ALKAL1: variants seen among roughly 807,000 people sequenced by gnomAD.
ALKAL1 encodes AUG-beta.
A neutral mutation model predicts 13.5 loss-of-function variants in ALKAL1; 23 were observed. The observed-to-expected ratio is 1.70, with a 90% confidence interval of 1.23 to 2.41. The LOEUF (loss-of-function observed/expected upper bound fraction) is 2.41, where lower values mean the gene tolerates loss of function less well. Among genes scored for constraint, ALKAL1 ranks in the 30% most tolerant of loss-of-function variants. The probability of loss-of-function intolerance (pLI) is 0.00; values close to 1 mark genes in which losing one functional copy is unlikely to be tolerated. For missense variants in ALKAL1, 181 were observed against 178.4 expected, an observed-to-expected ratio of 1.01 and a Z score of -0.08; for synonymous variants, 85 against 77.7, an observed-to-expected ratio of 1.09 and a Z score of -0.49.
In ALKAL1 at chr8:52,553,304, T is replaced by C. The variant is rs953580181; in HGVS notation, c.191-10859A>G. Among the ~76,000 whole-genome samples the C allele has an allele frequency of 2.9e-4, 44 of 152,276 alleles. 1 individual carries two copies. Among genetic ancestry groups the C allele is most frequent in the African/African-American group, 9.4e-4 (39 of 41,554 alleles). ...TAGAAGATGCAGTGAGCTCTGATCA[T>C]GCCACTGCCCTCCAGCCTTGGTGAC... On this transcript the variant is annotated intron_variant, in intron 1 of 4. Coordinates refer to ENST00000358543, the MANE Select transcript of ALKAL1 (RefSeq NM_207413.4).
chr8:52,564,287 C>G (rs1173370991), intron 1 of ALKAL1, among the ~76,000 whole-genome samples: 1 of 152,184 alleles, frequency 6.6e-6, no homozygotes, highest in Non-Finnish European at 1.5e-5. Flanking sequence ...TCGCTTCTGT[C>G]CCCACCTTCC....
intron 4 of ALKAL1, among the ~76,000 whole-genome samples, chr8:52,536,855 A>C (rs552122835): frequency 1.9e-4 from 29 of 152,358 alleles, no homozygotes; most frequent in African/African-American, 6.5e-4. Context: ...AACTATTTTA[A>C]TTCAATCACT....
intron 4 of ALKAL1, among the ~76,000 whole-genome samples, chr8:52,535,764 A>G (rs1264142290): frequency 1.3e-5 from 2 of 152,204 alleles, no homozygotes; most frequent in Non-Finnish European, 2.9e-5. Flanking sequence ...AATCACTTTT[A>G]AAATAAGACT....
Position 52,565,134 on chromosome 8 carries a change from C to T in ALKAL1, c.123G>A (p.Glu41=), listed in dbSNP as rs1046755755. The T allele has an allele frequency of 3.0e-5, 42 of 1,415,168 alleles. No individual in the cohort carries two copies. Among genetic ancestry groups the T allele is most frequent in the Non-Finnish European group, 3.6e-5 (39 of 1,078,112 alleles). 87.7% of individuals were successfully genotyped at this position (1,415,168 alleles called of 1,614,324 possible). A position where few individuals can be genotyped will look rare whatever the true frequency, so the allele number is the denominator to read the frequency against. The change falls in exon 1 of 5, where the codon GAG becomes GAA. Residue 41 remains glutamate (E), a synonymous_variant. Transcript: ENST00000358543. ...GRRGARVTDK[E]PKPLLFLPAA... Reference sequence around the variant, plus strand: ...CGGGGAGGAAAAGCAACGGCTTGGGCTCCTTATCCGTGACGCGCGCTCCCC... The same window carrying T: ...CGGGGAGGAAAAGCAACGGCTTGGGTTCCTTATCCGTGACGCGCGCTCCCC...
rs376388341 is a variant in ALKAL1, at chr8:52,552,969, A to G, written c.191-10524T>C. 8.5e-5 allele frequency among the ~76,000 whole-genome samples: 13 copies of G among 152,342 alleles called. No homozygotes were observed. In the South Asian group the frequency reaches 2.7e-3, roughly 32 times the overall value. On this transcript the variant is annotated intron_variant, in intron 1 of 4. Coordinates refer to ENST00000358543, the MANE Select transcript of ALKAL1 (RefSeq NM_207413.4). ...GCTTCTAGCCCCTCGAAGCTGACAG[A>G]GCAAGGAAAAATGTGTACGGTATAA...
intron 1 of ALKAL1, among the ~76,000 whole-genome samples, chr8:52,547,417 T>C (rs1057489329): frequency 6.6e-6 from 1 of 152,118 alleles, no homozygotes; most frequent in African/African-American, 2.4e-5. Context: ...GGAGAATCAA[T>C]TGAACCTGTG....
intron 1 of ALKAL1, among the ~76,000 whole-genome samples, chr8:52,564,189 G>A (rs1015019597): frequency 2.0e-5 from 3 of 152,086 alleles, no homozygotes; most frequent in Non-Finnish European, 2.9e-5. Context: ...AAATGTCCCC[G>A]CAGAGGGGCC....
At chr8:52,550,945 T>A (rs1019850220) in intron 1 of ALKAL1, among the ~76,000 whole-genome samples, 1 of 152,196 alleles carries the variant, frequency 6.6e-6, no homozygotes, top group South Asian at 2.1e-4. Flanking sequence ...GACTAGATCC[T>A]CAATGTATTT....
intron 1 of ALKAL1, among the ~76,000 whole-genome samples, chr8:52,546,947 A>G (rs542754361): frequency 3.9e-5 from 6 of 152,332 alleles, no homozygotes; most frequent in African/African-American, 1.4e-4. Flanking sequence ...AAGTTTGCCA[A>G]TGCCTGCCCT....
chr8:52,561,570 G>A (rs770576629), intron 1 of ALKAL1, among the ~76,000 whole-genome samples: 2 of 152,188 alleles, frequency 1.3e-5, no homozygotes, highest in Admixed American at 6.5e-5. Context: ...CGAAAGGTAA[G>A]AGGAGGTGGC....
intron 3 of ALKAL1, among the ~76,000 whole-genome samples, chr8:52,539,093 T>C (rs944980291): frequency 6.6e-6 from 1 of 152,000 alleles, no homozygotes; most frequent in Non-Finnish European, 1.5e-5. Context: ...CTCCTGGCCT[T>C]TTGTTTAAAA....
chr8:52,538,511 G>T lies in ALKAL1; in HGVS notation c.326-4C>A. 6.3e-7 allele frequency: 1 copy of T among 1,594,598 alleles called. No individual in the cohort carries two copies. Among genetic ancestry groups the T allele is most frequent in the East Asian group, 2.2e-5 (1 of 44,462 alleles). On this transcript the variant is annotated splice_region_variant and splice_polypyrimidine_tract_variant and intron_variant, in intron 3 of 4. Coordinates refer to ENST00000358543, the MANE Select transcript of ALKAL1 (RefSeq NM_207413.4). Reference sequence around the variant, plus strand: ...AATCTAGCACATCTTTTGTAATCTAGGAAAAACATTTAAAGGTAAATTATA... The same window carrying T: ...AATCTAGCACATCTTTTGTAATCTATGAAAAACATTTAAAGGTAAATTATA...
At chr8:52,550,312 T>C (rs1056051476) in intron 1 of ALKAL1, among the ~76,000 whole-genome samples, 1 of 152,238 alleles carries the variant, frequency 6.6e-6, no homozygotes, top group Non-Finnish European at 1.5e-5. Context: ...TAGCATCTTC[T>C]GGGAGCATGT....
Position 52,565,165 on chromosome 8 carries a change from C to T in ALKAL1, c.92G>A (p.Gly31Glu). 1.4e-6 allele frequency: 2 copies of T among 1,388,564 alleles called. No individual in the cohort carries two copies. Among genetic ancestry groups the T allele is most frequent in the Non-Finnish European group, 1.9e-6 (2 of 1,062,478 alleles). 86.0% of individuals were successfully genotyped at this position (1,388,564 alleles called of 1,614,324 possible). A position where few individuals can be genotyped will look rare whatever the true frequency, so the allele number is the denominator to read the frequency against. ...ATCCGTGACGCGCGCTCCCCTGCGC[C>T]CCCGGGGCCTCCCGTGGGCTCCGTG... ...SPHGAHGRPR[G>E]RRGARVTDKE... is the part of the protein sequence containing the mutation. The change falls in exon 1 of 5, where the codon GGG becomes GAG. Residue 31 changes from glycine to glutamate, a missense_variant. Coordinates refer to ENST00000358543, the MANE Select transcript of ALKAL1 (RefSeq NM_207413.4).
chr8:52,542,479 G>A, intron 1 of ALKAL1, 34 bp from the exon 2 acceptor site: 1 of 1,282,018 alleles, frequency 7.8e-7, no homozygotes, highest in Non-Finnish European at 1.1e-6. Flanking sequence ...AGAATTTATT[G>A]AATGCATTTC....
intron 1 of ALKAL1, among the ~76,000 whole-genome samples, chr8:52,549,834 C>T (rs1443979751): frequency 1.3e-5 from 2 of 151,924 alleles, no homozygotes; most frequent in African/African-American, 4.8e-5. Flanking sequence ...CCCAGCTACT[C>T]GAGAGGCCGA....
At chr8:52,541,431 T>TGAAC (rs1847311113) in intron 2 of ALKAL1, among the ~76,000 whole-genome samples, 1 of 152,198 alleles carries the variant, frequency 6.6e-6, no homozygotes, top group South Asian at 2.1e-4. Context: ...ATCTCACCAC[T>TGAAC]GAACTCCAGC....
rs1847247705 is a variant in ALKAL1 at position 52,534,378 on chromosome 8, G to T, written c.*235C>A. The T allele has an allele frequency of 2.8e-6, 1 of 361,146 alleles. No individual in the cohort carries two copies. The allele number at this position is 361,146 out of a possible 1,614,324, so 22.4% of individuals were successfully genotyped here. ...TTTTAATATCTAATTTTCAATATGC[G>T]ATTCAAACTCTGTTTTACAAAATTA... On this transcript the variant is annotated 3_prime_UTR_variant, in exon 5 of 5. Transcript: ENST00000358543.
intron 4 of ALKAL1, 96 bp from the exon 5 acceptor site, chr8:52,534,696 C>A (rs1440798): frequency 0.3 from 137,373 of 464,534 alleles, 22,015 homozygotes; most frequent in African/African-American, 0.5. Context: ...TGCTTAAAGA[C>A]TCTGTGGACT....
Sources: gnomAD v4.1 joint callset for allele counts (sites outside exome capture counted in the v4.1 genomes callset) on GRCh38, gnomAD v4.1.1 for gene constraint, MANE v1.5 for transcripts, NCBI Gene and HGNC (gene_info 2026-07-23, HGNC 2026-07-21) for gene names.